GABRB2: variants seen among roughly 807,000 people sequenced by gnomAD.
GABRB2 encodes gamma-aminobutyric acid type A receptor subunit beta2.
In GABRB2, 16 loss-of-function variants were observed where a neutral mutation model predicts 54.7. The observed-to-expected ratio is 0.29, with a 90% CI of 0.20 to 0.44. The LOEUF is 0.44. Among genes scored for constraint, GABRB2 ranks in the 20% least tolerant of loss-of-function variants. GABRB2 has a pLI of 1.00. For synonymous variants in GABRB2, 244 were observed against 233.8 expected, an observed-to-expected ratio of 1.04 and a Z score of -0.40; for missense variants, 355 against 644.0, an observed-to-expected ratio of 0.55 and a Z score of 4.86.
intron 3 of GABRB2, among the ~76,000 whole-genome samples, chr5:161,494,302 A>G (rs933877085): frequency 3.3e-5 from 5 of 151,852 alleles, no homozygotes; most frequent in African/African-American, 1.2e-4. Context: ...GTAGTATGCT[A>G]TTGACTGTCT....
chr5:161,336,682 A>G lies in GABRB2; in HGVS notation c.629T>C (p.Phe210Ser), dbSNP rs771127235. The G allele has an allele frequency of 6.2e-7, 1 of 1,613,560 alleles. No individual in the cohort carries two copies. Among genetic ancestry groups the G allele is most frequent in the South Asian group, 1.1e-5 (1 of 91,066 alleles). Reference sequence around the variant, plus strand: ...GATAAGTTTGTAATCTACAATAGAGAACTGTGGAAGTTCAATTTTCGTTAC... The same window carrying G: ...GATAAGTTTGTAATCTACAATAGAGGACTGTGGAAGTTCAATTTTCGTTAC... ...TGVTKIELPQFSIVDYKLITK... is the reference protein window; with the variant it reads ...TGVTKIELPQSSIVDYKLITK... Residue 210 changes from phenylalanine (F) to serine (S), a missense_variant, in exon 6 of 10, where the codon TTC becomes TCC. By Grantham distance (155) the Phe-to-Ser change is radical. Transcript: ENST00000393959.
At chr5:161,459,586 T>A in intron 4 of GABRB2, 38 bp downstream of exon 4, 1 of 1,520,934 alleles carries the variant, frequency 6.6e-7, no homozygotes, top group Non-Finnish European at 9.1e-7. Context: ...AGCTATTTTG[T>A]TCAGGAAAAG....
chr5:161,304,517 T>C (rs958415977), intron 9 of GABRB2, among the ~76,000 whole-genome samples: 61 of 152,306 alleles, frequency 4.0e-4, no homozygotes, highest in African/African-American at 1.4e-3. Context: ...CCCTTTGGAT[T>C]AGAAATTCTT....
At chr5:161,535,776 C>T (rs1044355363) in intron 3 of GABRB2, among the ~76,000 whole-genome samples, 6 of 152,172 alleles carry the variant, frequency 3.9e-5, no homozygotes, top group African/African-American at 1.4e-4. Flanking sequence ...CCTCCCCAAA[C>T]CCCATGTTGA....
intron 3 of GABRB2, among the ~76,000 whole-genome samples, chr5:161,533,944 T>G (rs1191708326): frequency 6.6e-6 from 1 of 152,148 alleles, no homozygotes; most frequent in South Asian, 2.1e-4. Context: ...TATAGGCAAG[T>G]GAAAACACAA....
chr5:161,487,817 G>A (rs1005683877), intron 3 of GABRB2, among the ~76,000 whole-genome samples: 1 of 151,828 alleles, frequency 6.6e-6, no homozygotes, highest in Admixed American at 6.6e-5. Flanking sequence ...AATTACAAAT[G>A]GTTAAAGAGA....
At chr5:161,396,385 G>C (rs1306389438) in intron 5 of GABRB2, among the ~76,000 whole-genome samples, 1 of 152,158 alleles carries the variant, frequency 6.6e-6, no homozygotes, top group Non-Finnish European at 1.5e-5. Flanking sequence ...CAGATCATTT[G>C]TCTTTTTCTT....
intron 4 of GABRB2, among the ~76,000 whole-genome samples, chr5:161,430,317 C>CAA (rs1757140633): frequency 1.3e-5 from 2 of 152,186 alleles, no homozygotes; most frequent in Non-Finnish European, 2.9e-5. Flanking sequence ...TAATACAGTA[C>CAA]ATTTCTTTGA....
chr5:161,362,879 CAG>C (rs1473973071), intron 5 of GABRB2, among the ~76,000 whole-genome samples: 2 of 152,144 alleles, frequency 1.3e-5, no homozygotes, highest in African/African-American at 4.8e-5. Context: ...CAGGAAACAA[CAG>C]ATGCTGGAGA....
At chr5:161,296,483 A>G (rs1441595772) in intron 9 of GABRB2, among the ~76,000 whole-genome samples, 1 of 152,258 alleles carries the variant, frequency 6.6e-6, no homozygotes, top group African/African-American at 2.4e-5. Flanking sequence ...AATAATGATC[A>G]TAATAAAAAT....
At position 161,290,060 on chromosome 5, in the gene GABRB2, C is replaced by T. The variant is rs2113325916; in HGVS notation, c.*4021G>A. 1 of 152,630 alleles carries T rather than the reference C, an allele frequency of 6.6e-6. No homozygotes were observed. Among genetic ancestry groups the T allele is most frequent in the African/African-American group, 2.4e-5 (1 of 41,534 alleles). The allele number at this position is 152,630 out of a possible 1,614,324, so 9.5% of individuals were successfully genotyped here. Reference sequence around the variant, plus strand: ...ACTTAAGCCATAAACGGAATTAGCACATTGCCTTACCATAAAATACAAATT... The same window carrying T: ...ACTTAAGCCATAAACGGAATTAGCATATTGCCTTACCATAAAATACAAATT... On this transcript the variant is annotated 3_prime_UTR_variant, in exon 10 of 10. Transcript: ENST00000393959.
At chr5:161,408,744 G>C (rs1756419784) in intron 5 of GABRB2, among the ~76,000 whole-genome samples, 3 of 151,910 alleles carry the variant, frequency 2.0e-5, no homozygotes, top group Admixed American at 2.0e-4. Flanking sequence ...GAAGGAGAAG[G>C]ACAGAGAGAA....
intron 3 of GABRB2, among the ~76,000 whole-genome samples, chr5:161,477,122 A>T (rs1758614254): frequency 6.6e-6 from 1 of 151,860 alleles, no homozygotes. Flanking sequence ...TTGGCTGAAG[A>T]TTTTAATACA....
At chr5:161,452,452 T>C (rs1374437662) in intron 4 of GABRB2, among the ~76,000 whole-genome samples, 2 of 152,226 alleles carry the variant, frequency 1.3e-5, no homozygotes, top group Non-Finnish European at 2.9e-5. Flanking sequence ...TGAAACCCAA[T>C]AAATATCCTA....
chr5:161,367,137 CT>C (rs1754994270), intron 5 of GABRB2, among the ~76,000 whole-genome samples: 1 of 152,158 alleles, frequency 6.6e-6, no homozygotes, highest in Middle Eastern at 3.2e-3. Flanking sequence ...TAATCTTTCA[CT>C]GTCTTGTTTA....
At chr5:161,447,488 T>C (rs1280177051) in intron 4 of GABRB2, among the ~76,000 whole-genome samples, 1 of 152,210 alleles carries the variant, frequency 6.6e-6, no homozygotes, top group African/African-American at 2.4e-5. Flanking sequence ...GGAATTAGTA[T>C]CTTTCTCTAG....
chr5:161,420,959 C>T (rs1322684860), intron 4 of GABRB2, among the ~76,000 whole-genome samples: 9 of 152,114 alleles, frequency 5.9e-5, no homozygotes, highest in Non-Finnish European at 1.3e-4. Flanking sequence ...TGAACTTCCT[C>T]CTTTCTATCA....
intron 3 of GABRB2, among the ~76,000 whole-genome samples, chr5:161,526,337 G>GT (rs997728503): frequency 6.6e-6 from 1 of 151,356 alleles, no homozygotes; most frequent in African/African-American, 2.4e-5. Context: ...GCCTCTGAAT[G>GT]TAAGTCATGT....
chr5:161,411,659 G>A (rs975154859), intron 4 of GABRB2, among the ~76,000 whole-genome samples: 2 of 151,992 alleles, frequency 1.3e-5, no homozygotes, highest in African/African-American at 2.4e-5. Context: ...ACTCCTATGG[G>A]ATGGCATAGT....
Sources: gnomAD v4.1 joint callset for allele counts (sites outside exome capture counted in the v4.1 genomes callset) on GRCh38, gnomAD v4.1.1 for gene constraint, MANE v1.5 for transcripts, NCBI Gene and HGNC (gene_info 2026-07-23, HGNC 2026-07-21) for gene names.